The following ATP7A variants were observed in gnomAD, a reference collection of about 807,000 sequenced individuals.
The protein encoded by ATP7A is ATPase copper transporting alpha, also known as copper-transporting ATPase 1.
A neutral mutation model predicts 83.5 loss-of-function variants in ATP7A; 7 were observed. The observed-to-expected ratio is 0.08, with a 90% confidence interval of 0.05 to 0.16. The LOEUF (loss-of-function observed/expected upper bound fraction) is 0.16. Ranked by LOEUF, ATP7A falls within the 10% of genes least tolerant of loss-of-function variation. The pLI is 1.00. For synonymous variants in ATP7A, 354 were observed against 395.2 expected (o/e 0.90, Z 1.24); for missense variants, 940 against 1,120.8 (o/e 0.84, Z 2.30).
In ATP7A at chrX:78,019,572, A is replaced by G. The variant is rs782057460; in HGVS notation, c.2627-672A>G. ...AACCTCTGCCTCCCAGGCTCAAACA[A>G]TCCTCCCACCTCAGCCTCCCACGTA... On this transcript the variant is annotated intron_variant, in intron 12 of 22. Coordinates refer to ENST00000341514, the MANE Select transcript of ATP7A (RefSeq NM_000052.7). Among the ~76,000 whole-genome samples the G allele has an allele frequency of 1.5e-4, 17 of 110,772 alleles. No homozygotes were observed. In the South Asian group the frequency reaches 5.0e-3, roughly 33 times the overall value.
intron 2 of ATP7A, among the ~76,000 whole-genome samples, chrX:77,977,893 T>C (rs1390061955): frequency 8.9e-6 from 1 of 112,087 alleles, no homozygotes; most frequent in Non-Finnish European, 1.9e-5. Context: ...AAAGCCCTTA[T>C]GTTAGTAACC....
chrX:77,974,635 T>G (rs934517874), intron 2 of ATP7A: 20 of 285,772 alleles, frequency 7.0e-5, no homozygotes, highest in Non-Finnish European at 1.2e-4. Flanking sequence ...AATTAAGTTA[T>G]TTCTATTACT....
rs1326533241 is a variant in ATP7A at position 78,012,744 on chromosome X, G to T, written c.2173-135G>T. ...ATTGAAATACAAACACGATTGTTTT[G>T]GCTTAATCTCCCTTTAGTGTTTATG... On this transcript the variant is annotated intron_variant, in intron 9 of 22. Coordinates refer to ENST00000341514, the MANE Select transcript of ATP7A (RefSeq NM_000052.7). 3 of 543,158 alleles carry T rather than the reference G, an allele frequency of 5.5e-6. No individual in the cohort carries two copies. The East Asian group carries it at 1.1e-4, about 19-fold the overall frequency. The allele number at this position is 543,158 out of a possible 1,213,427, so 44.8% of individuals were successfully genotyped here.
chrX:78,011,857 C>A, intron 9 of ATP7A, 183 bp downstream of exon 9: 2 of 523,415 alleles, frequency 3.8e-6, no homozygotes, highest in Middle Eastern at 5.2e-4. Flanking sequence ...TGCCATTTAA[C>A]CCCTAAGAAA....
intron 7 of ATP7A, among the ~76,000 whole-genome samples, chrX:78,010,662 C>G (rs1305297715): frequency 2.0e-5 from 2 of 100,281 alleles, no homozygotes; most frequent in Non-Finnish European, 4.0e-5. Context: ...TCACTGCAAC[C>G]TCCGCCTCCT....
chrX:78,015,981 G>C, intron 12 of ATP7A, 100 bp downstream of exon 12: 1 of 956,865 alleles, frequency 1.0e-6, no homozygotes, highest in Non-Finnish European at 1.5e-6. Context: ...ATTATGAACA[G>C]AGAGAATAAG....
At chrX:78,001,138 G>T (rs1428456606) in intron 5 of ATP7A, among the ~76,000 whole-genome samples, 1 of 111,528 alleles carries the variant, frequency 9.0e-6, no homozygotes, top group Non-Finnish European at 1.9e-5. Flanking sequence ...GAAGCAAAAA[G>T]ATTTTTTCCT....
chrX:77,950,295 T>C (rs1215300729), intron 1 of ATP7A, among the ~76,000 whole-genome samples: 2 of 111,989 alleles, frequency 1.8e-5, no homozygotes, highest in African/African-American at 6.5e-5. Flanking sequence ...ACAACACACA[T>C]GCTTTGGCTT....
Position 78,009,131 on chromosome X carries a change from A to G in ATP7A, c.1737A>G (p.Val579=), listed in dbSNP as rs189353691. The G allele has an allele frequency of 1.6e-4, 198 of 1,208,802 alleles. 1 individual carries two copies. In the East Asian group the frequency reaches 2.8e-3, roughly 17 times the overall value. Reference sequence around the variant, plus strand: ...GGGGAATGACGTGTGCCTCCTGCGTACATAAAATAGAGTCTAGTCTCACAA... The same window carrying G: ...GGGGAATGACGTGTGCCTCCTGCGTGCATAAAATAGAGTCTAGTCTCACAA... ...VVRGMTCASC[V]HKIESSLTKH... Residue 579 remains valine (V), a synonymous_variant, in exon 7 of 23, where the codon GTA becomes GTG. Transcript: ENST00000341514.
At position 78,012,959 on chromosome X, in the gene ATP7A, G is replaced by A. The variant is rs782375469; in HGVS notation, c.2253G>A (p.Val751=). The change falls in exon 10 of 23, where the codon GTG becomes GTA. Residue 751 remains valine, a synonymous_variant. Transcript: ENST00000341514. ...CAGCAAATATGGACGTACTGATTGT[G>A]CTGGCAACCACCATTGCATTTGCCT... The part of the protein sequence containing the change: ...HKTANMDVLI[V]LATTIAFAYS... 1.6e-5 allele frequency: 19 copies of A among 1,211,525 alleles called. No individual in the cohort carries two copies. The highest frequency in any genetic ancestry group is 5.3e-5 in the South Asian group (3 of 56,985).
intron 6 of ATP7A, among the ~76,000 whole-genome samples, chrX:78,005,683 CAAAAAAA>C (rs1218646073): frequency 3.5e-3 from 48 of 13,689 alleles, no homozygotes; most frequent in African/African-American, 0.011. Context: ...AACTCCATCT[CAAAAAAA>C]AAAAAAAAAA....
intron 2 of ATP7A, among the ~76,000 whole-genome samples, chrX:77,972,422 A>T (rs782177065): frequency 1.8e-5 from 2 of 110,403 alleles, no homozygotes; most frequent in Non-Finnish European, 3.8e-5. Context: ...GCACGATCTC[A>T]GCTCACCACA....
chrX:78,009,035 A>AG, intron 6 of ATP7A, 67 bp from the exon 7 acceptor site: 1 of 1,060,448 alleles, frequency 9.4e-7, no homozygotes, highest in Non-Finnish European at 1.3e-6. Context: ...AAAAAAAAAA[A>AG]GTGGTAACTC....
chrX:77,990,076 A>G, intron 4 of ATP7A, 118 bp downstream of exon 4: 1 of 957,787 alleles, frequency 1.0e-6, no homozygotes, highest in South Asian at 2.2e-5. Context: ...TTTTGCAAAT[A>G]TGTCCTATGG....
chrX:78,031,462 A>G lies in ATP7A; in HGVS notation c.3174A>G (p.Gln1058=), dbSNP rs1057518370. 1.3e-5 allele frequency: 16 copies of G among 1,211,309 alleles called. No homozygotes were observed. Among genetic ancestry groups the G allele is most frequent in the Admixed American group, 6.5e-5 (3 of 46,066 alleles). ...CTCACGGAACCCCAGTGGTGAATCAAGTAAAGGTTCTAACTGAAAGTAACA... is the reference window on the plus strand; with the variant it reads ...CTCACGGAACCCCAGTGGTGAATCAGGTAAAGGTTCTAACTGAAAGTAACA... ...TITHGTPVVN[Q]VKVLTESNRI... is the part of the protein sequence containing the mutation. Residue 1058 remains glutamine (Q), a synonymous_variant, in exon 16 of 23, where the codon CAA becomes CAG. Transcript: ENST00000341514.
chrX:77,986,163 T>A (rs1557231354), intron 2 of ATP7A, among the ~76,000 whole-genome samples: 1 of 111,897 alleles, frequency 8.9e-6, no homozygotes, highest in African/African-American at 3.2e-5. Context: ...ATGCTAGTGA[T>A]TTCCTCCATC....
chrX:77,918,642 G>C (rs781799418), intron 1 of ATP7A, among the ~76,000 whole-genome samples: 31 of 111,320 alleles, frequency 2.8e-4, no homozygotes, highest in Non-Finnish European at 4.7e-4. Flanking sequence ...TGGGGAGCCA[G>C]CATGGAGCTT....
In ATP7A at chrX:77,988,640, G is replaced by C; in HGVS notation, c.519G>C (p.Leu173=). The stretch of plus-strand genomic sequence containing the variant: ...TGGCTCAAGCTGGTGAAGTCGTGCT[G>C]AAGATGAAAGTGGAAGGGATGACCT... ...HSMAQAGEVV[L]KMKVEGMTCH... is the part of the protein sequence containing the mutation. Residue 173 remains leucine (L), a synonymous_variant, in exon 3 of 23, where the codon CTG becomes CTC. Coordinates refer to ENST00000341514, the MANE Select transcript of ATP7A (RefSeq NM_000052.7). The C allele has an allele frequency of 2.5e-6, 3 of 1,211,635 alleles. No individual in the cohort carries two copies. Among genetic ancestry groups the C allele is most frequent in the Non-Finnish European group, 3.4e-6 (3 of 895,417 alleles).
intron 4 of ATP7A, among the ~76,000 whole-genome samples, chrX:77,997,062 A>G (rs1181020953): frequency 8.9e-6 from 1 of 112,491 alleles, no homozygotes; most frequent in Non-Finnish European, 1.9e-5. Context: ...CTAATTAAGG[A>G]ACACTTTACT....
Sources: gnomAD v4.1 joint callset for allele counts (sites outside exome capture counted in the v4.1 genomes callset) on GRCh38, gnomAD v4.1.1 for gene constraint, MANE v1.5 for transcripts, NCBI Gene and HGNC (gene_info 2026-07-23, HGNC 2026-07-21) for gene names.